Variants in AIG1 observed in about 807,000 individuals in gnomAD.
AIG1 encodes the protein androgen induced 1.
In AIG1, 23 loss-of-function variants were observed where a neutral mutation model predicts 31.4. The observed-to-expected ratio is 0.73, with a 90% confidence interval of 0.53 to 1.04. The LOEUF (loss-of-function observed/expected upper bound fraction) is 1.04, where lower values mean the gene tolerates loss of function less well. Among genes scored for constraint, AIG1 ranks in the 50% least tolerant of loss-of-function variants. AIG1 has a pLI of 0.00. For synonymous variants in AIG1, 100 were observed against 110.5 expected (o/e 0.90, Z 0.60); for missense variants, 274 against 295.0 (o/e 0.93, Z 0.52).
At chr6:143,261,999 T>A (rs1002979798) in intron 3 of AIG1, among the ~76,000 whole-genome samples, 2 of 152,252 alleles carry the variant, frequency 1.3e-5, no homozygotes, top group African/African-American at 4.8e-5. Context: ...AGAGAGAGTA[T>A]CTAACTTATC....
At chr6:143,117,046 A>G (rs1278525315) in intron 1 of AIG1, among the ~76,000 whole-genome samples, 1 of 152,050 alleles carries the variant, frequency 6.6e-6, no homozygotes, top group Non-Finnish European at 1.5e-5. Context: ...TCTGCCGTAC[A>G]GGGTCTTTCT....
At chr6:143,125,421 A>T (rs376193099) in intron 1 of AIG1, among the ~76,000 whole-genome samples, 13 of 152,240 alleles carry the variant, frequency 8.5e-5, no homozygotes, top group African/African-American at 2.7e-4. Flanking sequence ...ATAGCAATCA[A>T]TAATTATTTG....
At chr6:143,335,227 C>T (rs1777385383) in intron 5 of AIG1, 1 of 1,057,252 alleles carries the variant, frequency 9.5e-7, no homozygotes, top group Non-Finnish European at 1.2e-6. Flanking sequence ...GTTTTTGAAT[C>T]AGTATTTTAA....
intron 4 of AIG1, among the ~76,000 whole-genome samples, chr6:143,295,174 T>C (rs1798337551): frequency 6.6e-6 from 1 of 152,196 alleles, no homozygotes; most frequent in Non-Finnish European, 1.5e-5. Flanking sequence ...TCCAGGCAGT[T>C]GTTCACCAGT....
At chr6:143,212,894 A>G (rs924735528) in intron 3 of AIG1, among the ~76,000 whole-genome samples, 1 of 152,198 alleles carries the variant, frequency 6.6e-6, no homozygotes, top group Non-Finnish European at 1.5e-5. Flanking sequence ...ACAGCAACAT[A>G]AGATTTCTGA....
At position 143,338,923 on chromosome 6, in the gene AIG1, T is replaced by G. The variant is rs902306921; in HGVS notation, c.680-716T>G. 1.3e-5 allele frequency: 2 copies of G among 152,190 alleles called. No individual in the cohort carries two copies. The highest frequency in any genetic ancestry group is 4.8e-5 in the African/African-American group (2 of 41,432). 9.4% of individuals were successfully genotyped at this position (152,190 alleles called of 1,614,324 possible). A position where few individuals can be genotyped will look rare whatever the true frequency, so the allele number is the denominator to read the frequency against. ...AAAAGCAAGAAGCACTTGCCAGATTTAACTATAATTCCTAAAAATGATGAA... is the reference window on the plus strand; with the variant it reads ...AAAAGCAAGAAGCACTTGCCAGATTGAACTATAATTCCTAAAAATGATGAA... On this transcript the variant is annotated intron_variant, in intron 5 of 5. Coordinates refer to ENST00000357847, the MANE Select transcript of AIG1 (RefSeq NM_016108.4). The surrounding 1 kb of genome is among the most constrained non-coding windows in gnomAD (Gnocchi z 4.3).
chr6:143,146,804 G>A (rs1358167336), intron 2 of AIG1, among the ~76,000 whole-genome samples: 1 of 152,106 alleles, frequency 6.6e-6, no homozygotes, highest in Admixed American at 6.6e-5. Context: ...TAACTTAATC[G>A]TGCCCATGTG....
chr6:143,196,396 C>CACACACACACACA (rs1554256875), intron 3 of AIG1, among the ~76,000 whole-genome samples: 1 of 142,636 alleles, frequency 7.0e-6, no homozygotes, highest in Non-Finnish European at 1.5e-5. Flanking sequence ...CACACACACA[C>CACACACACACACA]CCCAATTTGA....
rs1054962410 is a variant in AIG1, at chr6:143,327,829, G to A, written c.516-5453G>A. 2.0e-5 allele frequency among the ~76,000 whole-genome samples: 3 copies of A among 152,176 alleles called. No individual in the cohort carries two copies. Among genetic ancestry groups the A allele is most frequent in the Non-Finnish European group, 4.4e-5 (3 of 68,040 alleles). On this transcript the variant is annotated intron_variant, in intron 4 of 5. Transcript: ENST00000357847. The surrounding 1 kb of genome is among the most constrained non-coding windows in gnomAD (Gnocchi z 5.3). ...TTTGCAGAAATAAGAAATACTGGAG[G>A]TTTGGGGAGAAAGAACATGATTTTG...
At chr6:143,287,446 G>A (rs12175842) in intron 4 of AIG1, among the ~76,000 whole-genome samples, 33,884 of 152,084 alleles carry the variant, frequency 0.22, 3,943 homozygotes, top group South Asian at 0.28. Context: ...CCAGAACTAC[G>A]GTGCAAGCCC....
Position 143,091,076 on chromosome 6 carries a change from G to A in AIG1, c.141+30010G>A, listed in dbSNP as rs144343797. Among the ~76,000 whole-genome samples the A allele has an allele frequency of 4.2e-3, 643 of 151,410 alleles. 6 individuals are homozygous for A. Among genetic ancestry groups the A allele is most frequent in the African/African-American group, 0.014 (594 of 41,190 alleles). The stretch of plus-strand genomic sequence containing the variant: ...TCCATTTCAAGAAAGCATTTTCTTT[G>A]CTCGTCTATAAGAAGCAATACCTGA... On this transcript the variant is annotated intron_variant, in intron 1 of 5. Transcript: ENST00000357847.
chr6:143,279,227 G>A lies in AIG1; in HGVS notation c.400-4883G>A, dbSNP rs1161891689. Reference sequence around the variant, plus strand: ...CATTTTCATGGGCCCTGGCACTGTGGCTACTGTCCCTAAAGCATAGGTGGG... The same window carrying A: ...CATTTTCATGGGCCCTGGCACTGTGACTACTGTCCCTAAAGCATAGGTGGG... On this transcript the variant is annotated intron_variant, in intron 3 of 5. Transcript: ENST00000357847. This position sits in a 1 kb window ranked among gnomAD's most constrained non-coding sequence, Gnocchi z 5.4. 3.9e-5 allele frequency among the ~76,000 whole-genome samples: 6 copies of A among 152,124 alleles called. No homozygotes were observed. The highest frequency in any genetic ancestry group is 2.9e-5 in the Non-Finnish European group (2 of 68,018).
At chr6:143,317,445 A>G (rs1291379298) in intron 4 of AIG1, among the ~76,000 whole-genome samples, 1 of 152,190 alleles carries the variant, frequency 6.6e-6, no homozygotes, top group African/African-American at 2.4e-5. Flanking sequence ...GCAGTTGACA[A>G]AATCCAGCAT....
At chr6:143,124,473 C>T (rs1238120471) in intron 1 of AIG1, among the ~76,000 whole-genome samples, 1 of 152,226 alleles carries the variant, frequency 6.6e-6, no homozygotes, top group Non-Finnish European at 1.5e-5. Context: ...ACCGTGAACT[C>T]CTTCTGTGCA....
intron 3 of AIG1, among the ~76,000 whole-genome samples, chr6:143,201,266 G>C (rs981820034): frequency 6.6e-6 from 1 of 152,062 alleles, no homozygotes; most frequent in Non-Finnish European, 1.5e-5. Context: ...GGCTGAGGTG[G>C]GAGGATTGCT....
Position 143,299,463 on chromosome 6 carries a change from T to C in AIG1, c.515+15238T>C, listed in dbSNP as rs967633. The C allele has an allele frequency of 0.27, 41,314 of 152,126 alleles. 7,236 individuals are homozygous for C. The highest frequency in any genetic ancestry group is 0.49 in the African/African-American group (20,469 of 41,448). The allele number at this position is 152,126 out of a possible 1,614,324, so 9.4% of individuals were successfully genotyped here. ...AGGAACAGCATGGCTGGAATAGCAG[T>C]ACACATAGCTGGGCTACTGAAGGTG... On this transcript the variant is annotated intron_variant, in intron 4 of 5. Coordinates refer to ENST00000357847, the MANE Select transcript of AIG1 (RefSeq NM_016108.4). This position sits in a 1 kb window ranked among gnomAD's most constrained non-coding sequence, Gnocchi z 4.1.
chr6:143,124,434 A>G (rs1340061122), intron 1 of AIG1, among the ~76,000 whole-genome samples: 1 of 152,140 alleles, frequency 6.6e-6, no homozygotes, highest in Non-Finnish European at 1.5e-5. Flanking sequence ...CGAGGACACT[A>G]CATGCTCCAG....
At chr6:143,149,532 C>CAAA (rs71767812) in intron 2 of AIG1, among the ~76,000 whole-genome samples, 114 of 39,958 alleles carry the variant, frequency 2.9e-3, no homozygotes, top group South Asian at 4.6e-3. Flanking sequence ...GACTCTGTCT[C>CAAA]AAAAAAAAAA....
At position 143,331,712 on chromosome 6, in the gene AIG1, T is replaced by C. The variant is rs1449831054; in HGVS notation, c.516-1570T>C. ...TGCTTTCTACATAAAAAGTGCAAAATTGTTTTACCACCAACCCCAGAATGA... is the reference window on the plus strand; with the variant it reads ...TGCTTTCTACATAAAAAGTGCAAAACTGTTTTACCACCAACCCCAGAATGA... On this transcript the variant is annotated intron_variant, in intron 4 of 5. Transcript: ENST00000357847. This position sits in a 1 kb window ranked among gnomAD's most constrained non-coding sequence, Gnocchi z 4.1. Among the ~76,000 whole-genome samples the C allele has an allele frequency of 2.0e-5, 3 of 151,670 alleles. No homozygotes were observed. Among genetic ancestry groups the C allele is most frequent in the Non-Finnish European group, 2.9e-5 (2 of 67,948 alleles).
Sources: gnomAD v4.1 joint callset for allele counts (sites outside exome capture counted in the v4.1 genomes callset) on GRCh38, gnomAD v4.1.1 for gene constraint, Gnocchi (gnomAD v3.1) non-coding constraint, MANE v1.5 for transcripts, NCBI Gene and HGNC (gene_info 2026-07-23, HGNC 2026-07-21) for gene names.